Variants in DPP10 observed in about 807,000 individuals in gnomAD.
The protein encoded by DPP10 is dipeptidyl peptidase like 10.
A neutral mutation model predicts 120.9 loss-of-function variants in DPP10; 33 were observed. That is an observed-to-expected ratio of 0.27 (90% CI 0.21 to 0.37). The LOEUF is 0.37. Among genes scored for constraint, DPP10 ranks in the 10% least tolerant of loss-of-function variants. The pLI is 1.00. For synonymous variants in DPP10, 337 were observed against 326.1 expected (o/e 1.03, Z -0.36); for missense variants, 816 against 942.8 (o/e 0.87, Z 1.76).
chr2:115,012,144 G>T (rs1463278387), intron 1 of DPP10, among the ~76,000 whole-genome samples: 2 of 152,090 alleles, frequency 1.3e-5, no homozygotes, highest in Non-Finnish European at 2.9e-5. Flanking sequence ...CCCCGCCCAA[G>T]GAGAGACTGA....
chr2:114,833,323 A>G (rs1281796629), intron 1 of DPP10: 3 of 151,510 alleles, frequency 2.0e-5, no homozygotes, highest in African/African-American at 7.3e-5. Flanking sequence ...AAATGTACTC[A>G]CTTGTTTGAG....
intron 1 of DPP10, among the ~76,000 whole-genome samples, chr2:114,656,903 G>A (rs2105518923): frequency 6.6e-6 from 1 of 152,194 alleles, no homozygotes; most frequent in South Asian, 2.1e-4. Context: ...GTCAAACCAA[G>A]TTAAGAGAAA....
At chr2:115,765,445 A>G (rs1015003413) in intron 12 of DPP10, among the ~76,000 whole-genome samples, 3 of 152,168 alleles carry the variant, frequency 2.0e-5, no homozygotes, top group Non-Finnish European at 4.4e-5. Context: ...GTCTTAGGCA[A>G]TAGAGCTAAA....
In DPP10 at chr2:115,349,810, A is replaced by G. The variant is rs151165096; in HGVS notation, c.271+5898A>G. Reference sequence around the variant, plus strand: ...ACTAGAATTATTGTCCATCAACTTCACTTGGTAGAGCTGCAGAAGTTGTTG... The same window carrying G: ...ACTAGAATTATTGTCCATCAACTTCGCTTGGTAGAGCTGCAGAAGTTGTTG... On this transcript the variant is annotated intron_variant, in intron 3 of 25. Coordinates refer to ENST00000410059, the MANE Select transcript of DPP10 (RefSeq NM_020868.6). Among the ~76,000 whole-genome samples the G allele has an allele frequency of 8.8e-3, 1,337 of 152,220 alleles. 31 individuals are homozygous for G. The highest frequency in any genetic ancestry group is 0.041 in the East Asian group (212 of 5,186).
chr2:114,730,819 A>T (rs561838079), intron 1 of DPP10, among the ~76,000 whole-genome samples: 1 of 151,544 alleles, frequency 6.6e-6, no homozygotes, highest in African/African-American at 2.4e-5. Flanking sequence ...TGAGCTCCTG[A>T]TCTCAGGCAA....
At chr2:115,426,593 G>T (rs910860533) in intron 3 of DPP10, among the ~76,000 whole-genome samples, 1 of 139,936 alleles carries the variant, frequency 7.1e-6, no homozygotes, top group Admixed American at 7.2e-5. Context: ...CACCTCTGAC[G>T]CTGGAGATGA....
At chr2:115,538,395 A>G (rs757377521) in intron 5 of DPP10, among the ~76,000 whole-genome samples, 5 of 152,112 alleles carry the variant, frequency 3.3e-5, no homozygotes, top group Middle Eastern at 3.4e-3. Context: ...TAATATTTTC[A>G]TGTCTGTTTC....
At chr2:114,461,728 G>A (rs1678929639) in intron 1 of DPP10, 2 of 985,248 alleles carry the variant, frequency 2.0e-6, no homozygotes, top group South Asian at 4.7e-5. Context: ...CCTAGCCAGG[G>A]ACATGTTAAT....
At chr2:115,671,754 T>C (rs1176977278) in intron 5 of DPP10, among the ~76,000 whole-genome samples, 1 of 152,098 alleles carries the variant, frequency 6.6e-6, no homozygotes, top group East Asian at 1.9e-4. Context: ...AAAACACCAA[T>C]ATTTAAAATC....
chr2:114,785,238 A>T (rs1295213886), intron 1 of DPP10, among the ~76,000 whole-genome samples: 1 of 145,602 alleles, frequency 6.9e-6, no homozygotes. Flanking sequence ...AGAATAGGGC[A>T]TGCTTTGCTG....
At chr2:114,700,285 T>C (rs1700312805) in intron 1 of DPP10, among the ~76,000 whole-genome samples, 1 of 152,120 alleles carries the variant, frequency 6.6e-6, no homozygotes, top group East Asian at 1.9e-4. Context: ...TCCCAATGGC[T>C]GTATCATCCT....
At chr2:115,792,843 C>A (rs561840671) in intron 19 of DPP10, among the ~76,000 whole-genome samples, 57 of 152,304 alleles carry the variant, frequency 3.7e-4, no homozygotes, top group Non-Finnish European at 5.1e-4. Context: ...CCCTCAGGCA[C>A]ATCCTAGGCA....
chr2:115,286,378 A>G (rs977349799), intron 1 of DPP10, among the ~76,000 whole-genome samples: 2 of 149,530 alleles, frequency 1.3e-5, no homozygotes, highest in African/African-American at 4.9e-5. Context: ...TTTAAGATAT[A>G]CATGTAGAGC....
At chr2:115,115,028 G>A (rs780680355) in intron 1 of DPP10, among the ~76,000 whole-genome samples, 14 of 151,948 alleles carry the variant, frequency 9.2e-5, no homozygotes, top group Non-Finnish European at 1.8e-4. Flanking sequence ...AGGGCACTAT[G>A]CTGGTTCATT....
At chr2:115,557,210 G>C (rs2080269885) in intron 5 of DPP10, among the ~76,000 whole-genome samples, 1 of 151,876 alleles carries the variant, frequency 6.6e-6, no homozygotes, top group Non-Finnish European at 1.5e-5. Context: ...AATAAAATGC[G>C]GTCAGAAAGA....
chr2:114,759,483 A>C (rs1413583308), intron 1 of DPP10, among the ~76,000 whole-genome samples: 1 of 150,174 alleles, frequency 6.7e-6, no homozygotes, highest in African/African-American at 2.5e-5. Flanking sequence ...TTTTTCTTTT[A>C]ATAAACTCTT....
intron 1 of DPP10, among the ~76,000 whole-genome samples, chr2:114,905,201 C>G (rs986924599): frequency 6.6e-6 from 1 of 151,526 alleles, no homozygotes; most frequent in African/African-American, 2.4e-5. Context: ...TATTATCTTG[C>G]CAATTTCTGC....
At chr2:114,993,580 G>GTGTGTATA (rs71394121) in intron 1 of DPP10, among the ~76,000 whole-genome samples, 2 of 97,354 alleles carry the variant, frequency 2.1e-5, no homozygotes, top group South Asian at 4.1e-4. Flanking sequence ...GTGTGTGTGT[G>GTGTGTATA]TATATATATA....
chr2:115,561,038 A>T (rs1490124818), intron 5 of DPP10, among the ~76,000 whole-genome samples: 3 of 152,070 alleles, frequency 2.0e-5, no homozygotes, highest in African/African-American at 7.2e-5. Flanking sequence ...TTGAGATGAT[A>T]GAATTTGCCT....
Sources: gnomAD v4.1 joint callset for allele counts (sites outside exome capture counted in the v4.1 genomes callset) on GRCh38, gnomAD v4.1.1 for gene constraint, MANE v1.5 for transcripts, NCBI Gene and HGNC (gene_info 2026-07-23, HGNC 2026-07-21) for gene names.